The following SLC25A48 variants were observed in gnomAD, a reference collection of about 807,000 sequenced individuals.
The protein encoded by SLC25A48 is CTC-321K16.1.
In SLC25A48, 29 loss-of-function variants were observed where a neutral mutation model predicts 32.2. That is an observed-to-expected ratio of 0.90 (90% CI 0.67 to 1.23). SLC25A48 has a LOEUF of 1.23. SLC25A48 is among the 50% of genes most tolerant of loss of function. The pLI is 0.00. For missense variants in SLC25A48, 399 were observed against 422.7 expected (o/e 0.94, Z 0.49); for synonymous variants, 164 against 172.3 (o/e 0.95, Z 0.38).
At chr5:135,615,692 C>T (rs1336377057) in intron 1 of SLC25A48, among the ~76,000 whole-genome samples, 1 of 152,202 alleles carries the variant, frequency 6.6e-6, no homozygotes, top group East Asian at 1.9e-4. Context: ...AAGCCAGCTG[C>T]ATAGTTTGCA....
intron 3 of SLC25A48, among the ~76,000 whole-genome samples, chr5:135,777,388 C>T (rs1331596820): frequency 6.6e-6 from 1 of 151,460 alleles, no homozygotes; most frequent in Non-Finnish European, 1.5e-5. Context: ...AGTACAGCCC[C>T]AGTGTGATTT....
In SLC25A48 at chr5:135,613,863, G is replaced by A. The variant is rs1752128477; in HGVS notation, c.-848-15374G>A. On this transcript the variant is annotated intron_variant, in intron 1 of 10. Coordinates refer to the SLC25A48 transcript ENST00000646290. ...CTGTAGCCTTGTAATATATTTTGAA[G>A]TTAGGTGGTGTGATGCCTCCAGATT... is the stretch of plus-strand genomic sequence containing the variant. Among the ~76,000 whole-genome samples, 3 of 152,200 alleles carry A rather than the reference G, an allele frequency of 2.0e-5. No individual in the cohort carries two copies. In the South Asian group the frequency reaches 6.2e-4, roughly 32 times the overall value.
rs532773192 is a variant in SLC25A48, at chr5:135,593,429, C to T, written c.-849+13832C>T. 2.2e-4 allele frequency among the ~76,000 whole-genome samples: 33 copies of T among 152,298 alleles called. No individual in the cohort carries two copies. The East Asian group carries it at 4.6e-3, about 21-fold the overall frequency. On this transcript the variant is annotated intron_variant, in intron 1 of 10. Coordinates refer to the SLC25A48 transcript ENST00000646290. ...TCAGGTCAACACTCAATGGATATTT[C>T]GTGTTTCTAGCCTCTGGCAGATCCA...
intron 3 of SLC25A48, among the ~76,000 whole-genome samples, chr5:135,712,893 T>C (rs903518390): frequency 2.0e-5 from 3 of 152,208 alleles, no homozygotes; most frequent in Non-Finnish European, 2.9e-5. Flanking sequence ...TATGCATGCA[T>C]AGACCATCCT....
chr5:135,763,754 AACACACACAT>A (rs70976578), intron 3 of SLC25A48, among the ~76,000 whole-genome samples: 10,681 of 145,926 alleles, frequency 0.073, 599 homozygotes, highest in East Asian at 0.31. Context: ...GAGAAATAGG[AACACACACAT>A]ACACACACAC....
chr5:135,634,023 G>T (rs1419467376), intron 2 of SLC25A48, among the ~76,000 whole-genome samples: 1 of 152,164 alleles, frequency 6.6e-6, no homozygotes. Flanking sequence ...TTAGAATTGG[G>T]CAAGGCCGAG....
intron 2 of SLC25A48, among the ~76,000 whole-genome samples, chr5:135,631,547 A>G (rs1031864889): frequency 2.6e-5 from 4 of 152,198 alleles, no homozygotes; most frequent in African/African-American, 9.6e-5. Flanking sequence ...ATGCTCTGGG[A>G]GGCCAAATTC....
intron 4 of SLC25A48, among the ~76,000 whole-genome samples, chr5:135,820,239 A>G (rs1757849827): frequency 6.6e-6 from 1 of 152,242 alleles, no homozygotes; most frequent in Non-Finnish European, 1.5e-5. Context: ...AAAAAGGAGC[A>G]AACTGTACCA....
chr5:135,801,831 A>G (rs1757334715), intron 3 of SLC25A48, among the ~76,000 whole-genome samples: 2 of 151,696 alleles, frequency 1.3e-5, no homozygotes, highest in African/African-American at 2.4e-5. Context: ...ACATTCCTCT[A>G]TCATATTGTT....
At chr5:135,820,682 T>G (rs1757860876) in intron 4 of SLC25A48, among the ~76,000 whole-genome samples, 1 of 152,214 alleles carries the variant, frequency 6.6e-6, no homozygotes, top group Non-Finnish European at 1.5e-5. Context: ...ATGTGTCTAT[T>G]TTGGTATTTC....
chr5:135,811,338 G>A (rs1757586611), intron 3 of SLC25A48, among the ~76,000 whole-genome samples: 1 of 152,176 alleles, frequency 6.6e-6, no homozygotes, highest in East Asian at 1.9e-4. Context: ...AATATCTCAT[G>A]ATCTCACATA....
At chr5:135,712,524 C>T (rs935126041) in intron 3 of SLC25A48, among the ~76,000 whole-genome samples, 1 of 152,228 alleles carries the variant, frequency 6.6e-6, no homozygotes, top group Admixed American at 6.5e-5. Context: ...GATCAGTCTC[C>T]AGCAGGCTTC....
chr5:135,787,229 A>G (rs1414795308), intron 3 of SLC25A48, among the ~76,000 whole-genome samples: 1 of 152,122 alleles, frequency 6.6e-6, no homozygotes, highest in African/African-American at 2.4e-5. Context: ...ACCCTGTGAT[A>G]CTATTCGTAA....
intron 3 of SLC25A48, among the ~76,000 whole-genome samples, chr5:135,718,056 G>A (rs1449003436): frequency 6.6e-6 from 1 of 152,060 alleles, no homozygotes; most frequent in East Asian, 1.9e-4. Flanking sequence ...CGCCCAGGCT[G>A]GGGTGTAGCG....
At chr5:135,756,544 G>T (rs1174666736) in intron 3 of SLC25A48, among the ~76,000 whole-genome samples, 3 of 152,042 alleles carry the variant, frequency 2.0e-5, no homozygotes, top group Non-Finnish European at 2.9e-5. Context: ...GGTGGTGCGT[G>T]CCTGTAATCC....
intron 3 of SLC25A48, among the ~76,000 whole-genome samples, chr5:135,773,875 T>C (rs1239855471): frequency 6.6e-6 from 1 of 151,376 alleles, no homozygotes; most frequent in Non-Finnish European, 1.5e-5. Flanking sequence ...TCACAGGGAC[T>C]GTACACCACC....
chr5:135,758,021 AAC>A (rs146440991), intron 3 of SLC25A48, among the ~76,000 whole-genome samples: 7,236 of 150,658 alleles, frequency 0.048, 355 homozygotes, highest in African/African-American at 0.13. Flanking sequence ...TGTCTAGTGT[AAC>A]ACAATGATAT....
chr5:135,746,153 T>TC (rs1402912133), intron 3 of SLC25A48: 1 of 158,438 alleles, frequency 6.3e-6, no homozygotes, highest in Non-Finnish European at 1.4e-5. Context: ...TTCTAGCCCG[T>TC]ACCCATCACT....
chr5:135,872,013 A>G (rs1031776525), intron 5 of SLC25A48: 2 of 1,296,982 alleles, frequency 1.5e-6, no homozygotes, highest in Admixed American at 3.4e-5. Context: ...ATCCATTATC[A>G]TGGTTCAGTT....
Sources: gnomAD v4.1 joint callset for allele counts (sites outside exome capture counted in the v4.1 genomes callset) on GRCh38, gnomAD v4.1.1 for gene constraint, MANE v1.5 for transcripts, NCBI Gene and HGNC (gene_info 2026-07-23, HGNC 2026-07-21) for gene names.